The following EYS variants were observed in gnomAD, a reference collection of about 807,000 sequenced individuals.
EYS encodes the protein EGF-like photoreceptor maintenance factor.
In EYS, 250 loss-of-function variants were observed where a neutral mutation model predicts 282.1. The ratio of observed to expected loss-of-function variants is 0.89; its 90% CI spans 0.80 to 0.98. The LOEUF is 0.98. Ranked by LOEUF, EYS falls within the 50% of genes least tolerant of loss-of-function variation. The probability of loss-of-function intolerance (pLI) is 0.00; values close to 1 mark genes in which losing one functional copy is unlikely to be tolerated. For missense variants in EYS, 4,016 were observed against 3,709.0 expected (o/e 1.08, Z -2.15); for synonymous variants, 1,355 against 1,282.9 (o/e 1.06, Z -1.20).
chr6:64,262,015 A>G (rs1282737877), intron 30 of EYS, among the ~76,000 whole-genome samples: 1 of 152,042 alleles, frequency 6.6e-6, no homozygotes, highest in Non-Finnish European at 1.5e-5. Context: ...TTGGACTCCA[A>G]AAGTGCTGGG....
Position 64,590,239 on chromosome 6 carries a change from T to C in EYS, c.5628A>G (p.Gln1876=). 2 of 1,544,854 alleles carry C rather than the reference T, an allele frequency of 1.3e-6. No homozygotes were observed. Among genetic ancestry groups the C allele is most frequent in the Non-Finnish European group, 1.7e-6 (2 of 1,143,730 alleles). ...GAAACTCACCAGAAATCATCAGCCG[T>C]TGAGGTGCCAGAATGGATTCCAGTG... ...LSSLESILAP[Q]RLMISDFSCV... Residue 1876 remains glutamine, a synonymous_variant, in exon 26 of 43, where the codon CAA becomes CAG. Transcript: ENST00000503581.
chr6:65,565,290 T>C (rs1050927308), intron 2 of EYS, among the ~76,000 whole-genome samples: 1 of 113,232 alleles, frequency 8.8e-6, no homozygotes. Context: ...GGGTGAAGGA[T>C]ATGAACAGAC....
chr6:63,993,744 A>T (rs918784622), intron 34 of EYS, among the ~76,000 whole-genome samples: 3 of 151,936 alleles, frequency 2.0e-5, no homozygotes, highest in African/African-American at 7.2e-5. Context: ...CTACAGATTC[A>T]ATACAATCCA....
intron 12 of EYS, among the ~76,000 whole-genome samples, chr6:65,288,523 T>C (rs1187299503): frequency 2.7e-5 from 4 of 150,776 alleles, no homozygotes; most frequent in African/African-American, 9.7e-5. Flanking sequence ...TTTACTTAAT[T>C]AAAATTGACC....
intron 31 of EYS, among the ~76,000 whole-genome samples, chr6:64,102,975 A>C (rs1443868704): frequency 6.6e-6 from 1 of 152,150 alleles, no homozygotes; most frequent in Non-Finnish European, 1.5e-5. Context: ...CAGAGCATTC[A>C]CATGTAATTA....
rs79261478 is a variant in EYS at position 65,638,639 on chromosome 6, C to T, written c.-333+1139G>A. On this transcript the variant is annotated intron_variant, in intron 2 of 42. Transcript: ENST00000503581. ...TCCAGCCACAGCCTTACACAGAGCC[C>T]GCACCTGTGCCGGTGCCTGGAGCTG... 2.4e-3 allele frequency among the ~76,000 whole-genome samples: 363 copies of T among 152,330 alleles called. 11 individuals carry two copies. The East Asian group carries it at 0.055, about 23-fold the overall frequency.
At chr6:65,009,643 A>G (rs937325759) in intron 13 of EYS, among the ~76,000 whole-genome samples, 2 of 152,122 alleles carry the variant, frequency 1.3e-5, no homozygotes, top group East Asian at 1.9e-4. Context: ...CAATTCTCAT[A>G]CCTGGACACT....
At chr6:64,401,926 T>C (rs4639315) in intron 28 of EYS, among the ~76,000 whole-genome samples, 42,131 of 151,886 alleles carry the variant, frequency 0.28, 5,961 homozygotes, top group East Asian at 0.46. Flanking sequence ...GGAATTCAAG[T>C]CCCCATGTTT....
At position 63,736,463 on chromosome 6, in the gene EYS, A is replaced by C. The variant is rs576557365; in HGVS notation, c.8072-9783T>G. On this transcript the variant is annotated intron_variant, in intron 41 of 42. Transcript: ENST00000503581. ...TGATCTATATCTCTGTTTTGGTACC[A>C]GTACCATGCTGTTTTGGTTACTGTA... 2.0e-5 allele frequency among the ~76,000 whole-genome samples: 3 copies of C among 152,170 alleles called. No homozygotes were observed. In the South Asian group the frequency reaches 6.2e-4, roughly 32 times the overall value.
intron 28 of EYS, among the ~76,000 whole-genome samples, chr6:64,392,922 G>T (rs1331820037): frequency 6.6e-6 from 1 of 151,840 alleles, no homozygotes; most frequent in East Asian, 1.9e-4. Context: ...TCAAATAGAC[G>T]CAATAAAAAA....
chr6:65,594,275 G>A (rs779747957), intron 2 of EYS, among the ~76,000 whole-genome samples: 47 of 151,942 alleles, frequency 3.1e-4, no homozygotes, highest in Admixed American at 9.9e-4. Flanking sequence ...ACTTATTGCT[G>A]TAAGCAACTT....
chr6:65,103,984 G>A (rs1209765189), intron 12 of EYS, among the ~76,000 whole-genome samples: 2 of 151,236 alleles, frequency 1.3e-5, no homozygotes, highest in Non-Finnish European at 3.0e-5. Context: ...GAAATTTTAA[G>A]TATCAGTTTC....
At chr6:64,498,639 A>G (rs929488357) in intron 26 of EYS, among the ~76,000 whole-genome samples, 1 of 151,364 alleles carries the variant, frequency 6.6e-6, no homozygotes, top group African/African-American at 2.4e-5. Context: ...CCACCCACCA[A>G]CAGGCCCTGG....
chr6:63,916,598 T>TA (rs1198904788), intron 35 of EYS, among the ~76,000 whole-genome samples: 3 of 152,196 alleles, frequency 2.0e-5, no homozygotes, highest in African/African-American at 7.2e-5. Flanking sequence ...GAGAGTTTTT[T>TA]TAAAAATATA....
intron 35 of EYS, among the ~76,000 whole-genome samples, chr6:63,866,474 G>A (rs1772673930): frequency 6.6e-6 from 1 of 152,182 alleles, no homozygotes. Context: ...AGCATTGATT[G>A]ATTTAAATGC....
intron 12 of EYS, 44 bp from the exon 13 acceptor site, chr6:65,057,771 G>A: frequency 7.9e-7 from 1 of 1,269,070 alleles, no homozygotes; most frequent in Non-Finnish European, 1.1e-6. Flanking sequence ...TAACAAGACA[G>A]GCATGTATCA....
chr6:64,673,995 T>A (rs1458921727), intron 22 of EYS, among the ~76,000 whole-genome samples: 1 of 152,038 alleles, frequency 6.6e-6, no homozygotes, highest in Non-Finnish European at 1.5e-5. Flanking sequence ...ATGTAACTAA[T>A]AGAAATACAA....
chr6:63,922,097 C>T (rs1167334004), intron 35 of EYS, among the ~76,000 whole-genome samples: 1 of 152,158 alleles, frequency 6.6e-6, no homozygotes, highest in African/African-American at 2.4e-5. Context: ...AGAAGAGAGT[C>T]CCCAGAACCC....
chr6:64,725,843 C>T (rs1771735900), intron 22 of EYS, among the ~76,000 whole-genome samples: 1 of 151,988 alleles, frequency 6.6e-6, no homozygotes, highest in Admixed American at 6.6e-5. Context: ...TTTTTACATC[C>T]TACAATTTCC....
Sources: gnomAD v4.1 joint callset for allele counts (sites outside exome capture counted in the v4.1 genomes callset) on GRCh38, gnomAD v4.1.1 for gene constraint, MANE v1.5 for transcripts, NCBI Gene and HGNC (gene_info 2026-07-23, HGNC 2026-07-21) for gene names.